WDR3: variants seen among roughly 807,000 people sequenced by gnomAD.
WDR3 encodes the protein WD repeat domain 3.
Under a neutral mutation model 123.7 loss-of-function variants are expected in WDR3, and 81 were observed. That is an observed-to-expected ratio of 0.65 (90% CI 0.55 to 0.79). The LOEUF (loss-of-function observed/expected upper bound fraction) is 0.79, where lower values mean the gene tolerates loss of function less well. Among genes scored for constraint, WDR3 ranks in the 30% least tolerant of loss-of-function variants. The probability of loss-of-function intolerance (pLI) is 0.00; values close to 1 mark genes in which losing one functional copy is unlikely to be tolerated. For missense variants in WDR3, 1,027 were observed against 1,123.2 expected (o/e 0.91, Z 1.22); for synonymous variants, 390 against 388.8 (o/e 1.00, Z -0.04).
At chr1:117,952,130 T>G (rs1371721988) in intron 17 of WDR3, 54 bp downstream of exon 17, 3 of 1,566,244 alleles carry the variant, frequency 1.9e-6, no homozygotes, top group South Asian at 2.3e-5. Flanking sequence ...AGTTATCACT[T>G]TCCTTGAGCA....
chr1:117,953,385 T>C, intron 20 of WDR3, 91 bp from the exon 21 acceptor site: 2 of 1,226,462 alleles, frequency 1.6e-6, no homozygotes, highest in Non-Finnish European at 2.4e-6. Flanking sequence ...AAAATAATAA[T>C]AGCTGTTCTC....
rs769289422 is a variant in WDR3 at position 117,942,416 on chromosome 1, T to C, written c.990-21T>C. 1.2e-5 allele frequency: 19 copies of C among 1,602,524 alleles called. No individual in the cohort carries two copies. The South Asian group carries it at 1.8e-4, about 15-fold the overall frequency. ...CTTCTAGAAAAATAAGAGCATGATATACTTTTCTTCTTCCCTCTAGATTAC... is the reference window on the plus strand; with the variant it reads ...CTTCTAGAAAAATAAGAGCATGATACACTTTTCTTCTTCCCTCTAGATTAC... On this transcript the variant is annotated intron_variant, in intron 9 of 26. Transcript: ENST00000349139.
At position 117,943,377 on chromosome 1, in the gene WDR3, T is replaced by C. The variant is rs1360282790; in HGVS notation, c.1098-19T>C. 3 of 1,597,588 alleles carry C rather than the reference T, an allele frequency of 1.9e-6. No homozygotes were observed. The highest frequency in any genetic ancestry group is 2.6e-6 in the Non-Finnish European group (3 of 1,168,256). ...GCTAAGATGGTAGCTAGAACATTTA[T>C]GATTATTTTCTTGTACAGGTCCTTT... On this transcript the variant is annotated intron_variant, in intron 10 of 26. Coordinates refer to ENST00000349139, the MANE Select transcript of WDR3 (RefSeq NM_006784.3).
chr1:117,954,566 T>C lies in WDR3; in HGVS notation c.2362-14T>C, dbSNP rs1232742797. 6.2e-7 allele frequency: 1 copy of C among 1,611,844 alleles called. No homozygotes were observed. Among genetic ancestry groups the C allele is most frequent in the South Asian group, 1.1e-5 (1 of 90,788 alleles). On this transcript the variant is annotated splice_polypyrimidine_tract_variant and intron_variant, in intron 22 of 26. Coordinates refer to ENST00000349139, the MANE Select transcript of WDR3 (RefSeq NM_006784.3). ...CAGTTTTTTTAATGACTTGATTTAA[T>C]AATTTCTTCATAGGTTCCACTTCCC...
intron 24 of WDR3, among the ~76,000 whole-genome samples, chr1:117,956,831 A>C (rs928614155): frequency 6.6e-6 from 1 of 152,192 alleles, no homozygotes; most frequent in African/African-American, 2.4e-5. Context: ...ATCTGGAAGG[A>C]AAAAAAGTTA....
chr1:117,943,500 C>G lies in WDR3; in HGVS notation c.1202C>G (p.Pro401Arg), dbSNP rs748749738. The change falls in exon 11 of 27, where the codon CCT (proline) becomes CGT (arginine). Residue 401 changes from proline to arginine, a missense_variant. Pro to Arg is a moderately radical substitution (Grantham distance 103). Coordinates refer to ENST00000349139, the MANE Select transcript of WDR3 (RefSeq NM_006784.3). ...LYSLNPSLPTPQPVRTSRITI... is the reference protein window; with the variant it reads ...LYSLNPSLPTRQPVRTSRITI... The stretch of plus-strand genomic sequence containing the variant: ...TCACTGAATCCATCCTTGCCTACTC[C>G]TCAGCCTGTCAGGACAAGCAGAATC... 24 of 1,614,114 alleles carry G rather than the reference C, an allele frequency of 1.5e-5. 1 individual carries two copies. In the South Asian group the frequency reaches 2.6e-4, roughly 18 times the overall value.
intron 11 of WDR3, among the ~76,000 whole-genome samples, chr1:117,944,622 C>T (rs1651302387): frequency 6.6e-6 from 1 of 152,204 alleles, no homozygotes; most frequent in African/African-American, 2.4e-5. Context: ...CCTGCTATTC[C>T]TTCAGACTTC....
chr1:117,940,522 G>A (rs1010399052), intron 6 of WDR3, among the ~76,000 whole-genome samples: 2 of 152,052 alleles, frequency 1.3e-5, no homozygotes, highest in Admixed American at 6.6e-5. Flanking sequence ...CCACACACAC[G>A]TTTGAGGCCA....
intron 10 of WDR3, 77 bp from the exon 11 acceptor site, chr1:117,943,318 TA>T: frequency 8.0e-7 from 1 of 1,251,114 alleles, no homozygotes; most frequent in Non-Finnish European, 1.1e-6. Flanking sequence ...GAGGACATTG[TA>T]AAGCCTTTTC....
chr1:117,963,618 C>G lies in WDR3; in HGVS notation c.*4171C>G, dbSNP rs1557838772. ...TGACCTTGTGATCCACCCACCTCGG[C>G]CTCCCAAAGTGCTGGGATTACAGGT... On this transcript the variant is annotated 3_prime_UTR_variant, in exon 27 of 27. Transcript: ENST00000349139. The G allele has an allele frequency of 2.3e-6, 1 of 434,258 alleles. No homozygotes were observed. The highest frequency in any genetic ancestry group is 2.0e-5 in the African/African-American group (1 of 50,842). The allele number at this position is 434,258 out of a possible 1,614,324, so 26.9% of individuals were successfully genotyped here. A position where few individuals can be genotyped will look rare whatever the true frequency, so the allele number is the denominator to read the frequency against.
At chr1:117,955,662 C>G (rs564653835) in intron 24 of WDR3, among the ~76,000 whole-genome samples, 1 of 151,646 alleles carries the variant, frequency 6.6e-6, no homozygotes, top group South Asian at 2.1e-4. Flanking sequence ...TATATTTTGG[C>G]TTCTTTTCTA....
chr1:117,941,669 A>G (rs1651177303), intron 8 of WDR3, 81 bp from the exon 9 acceptor site: 2 of 1,512,384 alleles, frequency 1.3e-6, no homozygotes, highest in African/African-American at 1.4e-5. Context: ...AAAAATAAAT[A>G]TTGTTGTTTA....
chr1:117,943,637 T>G lies in WDR3; in HGVS notation c.1328+11T>G. ...TAAAATATGGAACAGGTTCGTGAAA[T>G]GATGTTTTATATAGCTGTAGTTAGT... On this transcript the variant is annotated intron_variant, in intron 11 of 26. Transcript: ENST00000349139. The G allele has an allele frequency of 6.2e-7, 1 of 1,612,872 alleles. No individual in the cohort carries two copies. The highest frequency in any genetic ancestry group is 8.5e-7 in the Non-Finnish European group (1 of 1,179,158).
At chr1:117,941,282 C>T (rs1004907655) in intron 8 of WDR3, 57 bp downstream of exon 8, 64 of 1,515,466 alleles carry the variant, frequency 4.2e-5, no homozygotes, top group Admixed American at 1.1e-4. Flanking sequence ...TCCAAACACT[C>T]ATTCTTTCAT....
chr1:117,934,204 T>C (rs1330764500), intron 2 of WDR3, among the ~76,000 whole-genome samples: 2 of 152,240 alleles, frequency 1.3e-5, no homozygotes, highest in East Asian at 3.8e-4. Context: ...TAAATTTATT[T>C]TATTGCCTAG....
chr1:117,950,967 C>A, intron 16 of WDR3, 77 bp downstream of exon 16: 1 of 1,184,776 alleles, frequency 8.4e-7, no homozygotes, highest in Non-Finnish European at 1.2e-6. Context: ...GGCTTGATGT[C>A]TTCATCTTAG....
chr1:117,952,605 T>A lies in WDR3; in HGVS notation c.2094T>A (p.Ser698=). Residue 698 remains serine, a synonymous_variant, in exon 19 of 27, where the codon TCT becomes TCA. Coordinates refer to ENST00000349139, the MANE Select transcript of WDR3 (RefSeq NM_006784.3). ...DYVVSSSHDK[S]LRLWERTREP... ...TTGTATCATCGTCCCATGACAAATCTCTGAGACTTTGGGAGAGAACAAGGG... is the reference window on the plus strand; with the variant it reads ...TTGTATCATCGTCCCATGACAAATCACTGAGACTTTGGGAGAGAACAAGGG... 10 of 1,613,620 alleles carry A rather than the reference T, an allele frequency of 6.2e-6. No homozygotes were observed. Among genetic ancestry groups the A allele is most frequent in the Non-Finnish European group, 8.5e-6 (10 of 1,179,642 alleles).
chr1:117,941,890 G>C, intron 9 of WDR3, 43 bp downstream of exon 9: 3 of 1,545,704 alleles, frequency 1.9e-6, no homozygotes, highest in Non-Finnish European at 2.6e-6. Context: ...AGTATCCTGG[G>C]TAGGCCCCAT....
intron 12 of WDR3, among the ~76,000 whole-genome samples, chr1:117,946,940 CAA>C (rs55743091): frequency 9.0e-5 from 7 of 77,364 alleles, no homozygotes; most frequent in Non-Finnish European, 7.3e-5. Context: ...GACTCCATCT[CAA>C]AAAAAAAAAA....
Sources: allele counts gnomAD v4.1 joint callset (sites outside exome capture counted in the v4.1 genomes callset), GRCh38; gene constraint gnomAD v4.1.1; transcripts MANE v1.5; gene names NCBI Gene and HGNC (gene_info 2026-07-23, HGNC 2026-07-21).